CHRM2: variants seen among roughly 807,000 people sequenced by gnomAD.
The protein encoded by CHRM2 is cholinergic receptor muscarinic 2.
A neutral mutation model predicts 25.0 loss-of-function variants in CHRM2; 8 were observed. The observed-to-expected ratio is 0.32, with a 90% CI of 0.19 to 0.58. The LOEUF (loss-of-function observed/expected upper bound fraction) is 0.58, where lower values mean the gene tolerates loss of function less well. Ranked by LOEUF, CHRM2 falls within the 20% of genes least tolerant of loss-of-function variation. CHRM2 has a pLI of 0.88. For synonymous variants in CHRM2, 202 were observed against 205.7 expected (o/e 0.98, Z 0.15); for missense variants, 440 against 567.1 (o/e 0.78, Z 2.28).
rs1278207051 is a variant in CHRM2 at position 136,869,464 on chromosome 7, G to C, written c.-125+46G>C. ...AGCTCTCCGCTTACCCACTCCAAGG[G>C]CCCTGGCACCAGGGGGTCTCTCCCT... On this transcript the variant is annotated intron_variant, in intron 2 of 3. Coordinates refer to ENST00000680005, the MANE Select transcript of CHRM2 (RefSeq NM_001006630.2). The surrounding 1 kb of genome is among the most constrained non-coding windows in gnomAD (Gnocchi z 4.9). The C allele has an allele frequency of 6.6e-6, 1 of 152,214 alleles. No individual in the cohort carries two copies. 9.4% of individuals were successfully genotyped at this position (152,214 alleles called of 1,614,324 possible).
chr7:136,908,487 A>G (rs1355363460), intron 2 of CHRM2, among the ~76,000 whole-genome samples: 1 of 151,966 alleles, frequency 6.6e-6, no homozygotes, highest in Non-Finnish European at 1.5e-5. Flanking sequence ...TTAAATATAG[A>G]CTGTGGTGAA....
intron 2 of CHRM2, among the ~76,000 whole-genome samples, chr7:136,872,182 T>C (rs935869841): frequency 6.6e-6 from 1 of 152,144 alleles, no homozygotes; most frequent in African/African-American, 2.4e-5. Flanking sequence ...TCCTATAAAA[T>C]AAAGAGGCAT....
At chr7:136,970,476 T>C (rs368946011) in intron 2 of CHRM2, among the ~76,000 whole-genome samples, 49 of 152,336 alleles carry the variant, frequency 3.2e-4, no homozygotes, top group African/African-American at 9.4e-4. Flanking sequence ...CATATTTTAC[T>C]TGAGTTTTCA....
chr7:136,997,031 T>A (rs1488893151), intron 3 of CHRM2, among the ~76,000 whole-genome samples: 1 of 152,072 alleles, frequency 6.6e-6, no homozygotes, highest in African/African-American at 2.4e-5. Flanking sequence ...AGTGGAGTAG[T>A]TGACAGCTTT....
chr7:136,984,177 G>A (rs2052078376), intron 2 of CHRM2, among the ~76,000 whole-genome samples: 2 of 152,154 alleles, frequency 1.3e-5, no homozygotes, highest in Admixed American at 6.5e-5. Flanking sequence ...GGCTATAGTG[G>A]TTTGGTAGTG....
intron 2 of CHRM2, among the ~76,000 whole-genome samples, chr7:136,953,419 A>G (rs543754505): frequency 9.8e-5 from 15 of 152,294 alleles, no homozygotes; most frequent in African/African-American, 3.6e-4. Context: ...TTTCTGGTCT[A>G]TGTTTTCTAT....
chr7:137,004,490 T>C (rs1804285811), intron 3 of CHRM2, among the ~76,000 whole-genome samples: 1 of 152,074 alleles, frequency 6.6e-6, no homozygotes, highest in East Asian at 1.9e-4. Flanking sequence ...GGTATTTAAA[T>C]ATTGATGTAG....
At chr7:136,960,301 G>T (rs916326606) in intron 2 of CHRM2, among the ~76,000 whole-genome samples, 1 of 152,196 alleles carries the variant, frequency 6.6e-6, no homozygotes, top group Admixed American at 6.5e-5. Context: ...AATGGAATGG[G>T]CTTGGACCTA....
At position 136,950,643 on chromosome 7, in the gene CHRM2, A is replaced by C. The variant is rs578199245; in HGVS notation, c.-124-41544A>C. Among the ~76,000 whole-genome samples, 4 of 152,344 alleles carry C rather than the reference A, an allele frequency of 2.6e-5. No individual in the cohort carries two copies. In the South Asian group the frequency reaches 8.3e-4, roughly 32 times the overall value. ...TAAATAAAGTTGGATTTCAGTCCTC[A>C]AGCTAAAAACAACAAAAAAAGAAAA... On this transcript the variant is annotated intron_variant, in intron 2 of 3. Transcript: ENST00000680005.
intron 2 of CHRM2, among the ~76,000 whole-genome samples, chr7:136,964,196 A>G (rs902885902): frequency 1.3e-5 from 2 of 152,132 alleles, no homozygotes; most frequent in Non-Finnish European, 2.9e-5. Context: ...AAAAATTATT[A>G]TTAGTTATTT....
At chr7:136,999,143 T>C (rs1251336945) in intron 3 of CHRM2, among the ~76,000 whole-genome samples, 1 of 152,188 alleles carries the variant, frequency 6.6e-6, no homozygotes, top group Non-Finnish European at 1.5e-5. Context: ...TGCTGTTCAC[T>C]ATATAGCCTA....
At chr7:136,942,403 C>A (rs957690888) in intron 2 of CHRM2, among the ~76,000 whole-genome samples, 1 of 152,184 alleles carries the variant, frequency 6.6e-6, no homozygotes, top group African/African-American at 2.4e-5. Context: ...GTGCTTCTGG[C>A]CACCTGTTCC....
rs193142331 is a variant in CHRM2 at position 136,909,304 on chromosome 7, A to G, written c.-125+39886A>G. 7.5e-3 allele frequency among the ~76,000 whole-genome samples: 1,139 copies of G among 152,072 alleles called. 10 individuals are homozygous for G. The highest frequency in any genetic ancestry group is 0.013 in the Non-Finnish European group (872 of 67,912). ...GACAATCTTGTTCTCTGACACATAC[A>G]TGGCACATAGAGTTATATTTATCAA... is the stretch of plus-strand genomic sequence containing the variant. On this transcript the variant is annotated intron_variant, in intron 2 of 3. Transcript: ENST00000680005.
chr7:137,014,293 C>T (rs1407313083), intron 3 of CHRM2, among the ~76,000 whole-genome samples: 2 of 151,898 alleles, frequency 1.3e-5, no homozygotes, highest in Admixed American at 6.6e-5. Flanking sequence ...TTTATTTTCA[C>T]CATCCTCAGT....
intron 2 of CHRM2, among the ~76,000 whole-genome samples, chr7:136,878,370 A>T (rs563026084): frequency 1.3e-5 from 2 of 151,914 alleles, no homozygotes; most frequent in Non-Finnish European, 2.9e-5. Flanking sequence ...TCTTTGTGCT[A>T]TGCTGGATGG....
At chr7:136,927,003 G>T (rs538500089) in intron 2 of CHRM2, among the ~76,000 whole-genome samples, 34 of 151,960 alleles carry the variant, frequency 2.2e-4, no homozygotes, top group African/African-American at 8.2e-4. Flanking sequence ...GTCACCAATT[G>T]CTTCATACCT....
At chr7:136,952,460 A>G (rs1022264805) in intron 2 of CHRM2, among the ~76,000 whole-genome samples, 37 of 152,118 alleles carry the variant, frequency 2.4e-4, no homozygotes, top group Admixed American at 2.4e-3. Context: ...CATTGTTCAA[A>G]TTGTTTATGT....
At chr7:136,908,615 CTT>C (rs2130669484) in intron 2 of CHRM2, among the ~76,000 whole-genome samples, 1 of 152,004 alleles carries the variant, frequency 6.6e-6, no homozygotes, top group African/African-American at 2.4e-5. Context: ...AATTTTATCT[CTT>C]CTCTTCCCTC....
chr7:136,955,500 T>C (rs1800671483), intron 2 of CHRM2, among the ~76,000 whole-genome samples: 1 of 152,206 alleles, frequency 6.6e-6, no homozygotes, highest in Non-Finnish European at 1.5e-5. Flanking sequence ...CTGTCACCTA[T>C]TATTCGTCAA....
Sources: gnomAD v4.1 joint callset for allele counts (sites outside exome capture counted in the v4.1 genomes callset) on GRCh38, gnomAD v4.1.1 for gene constraint, Gnocchi (gnomAD v3.1) non-coding constraint, MANE v1.5 for transcripts, NCBI Gene and HGNC (gene_info 2026-07-23, HGNC 2026-07-21) for gene names.